Variants in DCDC1 observed in about 807,000 individuals in gnomAD.
DCDC1 encodes doublecortin domain-containing protein 1.
A neutral mutation model predicts 178.3 loss-of-function variants in DCDC1; 200 were observed. That is an observed-to-expected ratio of 1.12 (90% CI 1.00 to 1.26). The LOEUF is 1.26. Among genes scored for constraint, DCDC1 ranks in the 50% most tolerant of loss-of-function variants. The probability of loss-of-function intolerance (pLI) is 0.00; values close to 1 mark genes in which losing one functional copy is unlikely to be tolerated. For missense variants in DCDC1, 1,983 were observed against 1,749.2 expected, an observed-to-expected ratio of 1.13 and a Z score of -2.38; for synonymous variants, 690 against 604.8, an observed-to-expected ratio of 1.14 and a Z score of -2.07.
chr11:31,202,446 T>C (rs1971404446), intron 9 of DCDC1, among the ~76,000 whole-genome samples: 1 of 151,682 alleles, frequency 6.6e-6, no homozygotes. Flanking sequence ...TGGCATTTGC[T>C]TGTGGTCCCT....
Position 31,365,668 on chromosome 11 carries a change from T to C in DCDC1, c.-125+4029A>G, listed in dbSNP as rs949986028. Among the ~76,000 whole-genome samples the C allele has an allele frequency of 2.0e-5, 3 of 152,298 alleles. No individual in the cohort carries two copies. The East Asian group carries it at 5.8e-4, about 29-fold the overall frequency. ...ACCAAAGTGATAGATTTAATAACAA[T>C]GTCATTTTTTCCTATCATCATGACA... On this transcript the variant is annotated intron_variant, in intron 1 of 38. Coordinates refer to ENST00000684477, the MANE Select transcript of DCDC1 (RefSeq NM_001387274.1).
chr11:31,006,746 C>G (rs1951869088), intron 20 of DCDC1, among the ~76,000 whole-genome samples: 1 of 152,194 alleles, frequency 6.6e-6, no homozygotes, highest in Admixed American at 6.5e-5. Flanking sequence ...TTATACAACT[C>G]CAGTTTCAAA....
At chr11:31,362,506 C>T (rs557369022) in intron 1 of DCDC1, among the ~76,000 whole-genome samples, 3 of 152,284 alleles carry the variant, frequency 2.0e-5, no homozygotes, top group Non-Finnish European at 2.9e-5. Context: ...CTCATCACTT[C>T]AGACGATCAG....
In DCDC1 at chr11:31,037,504, C is replaced by G. The variant is rs189887558; in HGVS notation, c.2591+26965G>C. On this transcript the variant is annotated intron_variant, in intron 20 of 38. Coordinates refer to ENST00000684477, the MANE Select transcript of DCDC1 (RefSeq NM_001387274.1). Reference sequence around the variant, plus strand: ...CTGGAGTGCAGTGGCGCGATCTCGGCTCACTGCAAGCTCCGCCTCCCGGGA... The same window carrying G: ...CTGGAGTGCAGTGGCGCGATCTCGGGTCACTGCAAGCTCCGCCTCCCGGGA... 4.6e-3 allele frequency among the ~76,000 whole-genome samples: 692 copies of G among 150,676 alleles called. 2 individuals are homozygous for G. The highest frequency in any genetic ancestry group is 0.016 in the African/African-American group (663 of 40,924).
At chr11:31,017,744 G>C (rs977255564) in intron 20 of DCDC1, among the ~76,000 whole-genome samples, 1 of 152,020 alleles carries the variant, frequency 6.6e-6, no homozygotes, top group African/African-American at 2.4e-5. Context: ...ACCATGCCCA[G>C]CTAGTTTTTG....
chr11:30,983,956 A>T (rs1590657316), intron 20 of DCDC1, among the ~76,000 whole-genome samples: 1 of 152,308 alleles, frequency 6.6e-6, no homozygotes, highest in East Asian at 1.9e-4. Flanking sequence ...CAACATAAAC[A>T]ATGCTCTTAT....
intron 9 of DCDC1, among the ~76,000 whole-genome samples, chr11:31,186,570 C>T (rs756865856): frequency 6.6e-6 from 1 of 152,182 alleles, no homozygotes; most frequent in African/African-American, 2.4e-5. Context: ...TCATAAAGCC[C>T]TGACCATGGG....
At chr11:31,346,257 C>T (rs1199564471) in intron 1 of DCDC1, among the ~76,000 whole-genome samples, 10 of 151,612 alleles carry the variant, frequency 6.6e-5, no homozygotes, top group Admixed American at 3.3e-4. Context: ...GTCAGGAGTT[C>T]GAGACTAGCC....
At chr11:31,154,479 G>GT (rs1475972240) in intron 9 of DCDC1, among the ~76,000 whole-genome samples, 1 of 152,138 alleles carries the variant, frequency 6.6e-6, no homozygotes, top group Non-Finnish European at 1.5e-5. Context: ...TATCACAGTG[G>GT]TAAGTGGTGT....
intron 1 of DCDC1, among the ~76,000 whole-genome samples, chr11:31,344,906 T>G (rs7940020): frequency 0.71 from 107,478 of 152,084 alleles, 39,419 homozygotes; most frequent in African/African-American, 0.9. Context: ...ATTTCCTTTT[T>G]GCCTATTCCA....
intron 20 of DCDC1, among the ~76,000 whole-genome samples, chr11:31,020,336 G>A (rs111634838): frequency 0.017 from 2,623 of 152,110 alleles, 80 homozygotes; most frequent in African/African-American, 0.059. Flanking sequence ...TCCCACTGAC[G>A]ATTTCTTATT....
At chr11:31,176,581 C>A (rs1477884095) in intron 9 of DCDC1, among the ~76,000 whole-genome samples, 1 of 152,084 alleles carries the variant, frequency 6.6e-6, no homozygotes, top group Non-Finnish European at 1.5e-5. Flanking sequence ...CCAAAAAGAT[C>A]CTCTGCCAGG....
intron 1 of DCDC1, among the ~76,000 whole-genome samples, chr11:31,336,564 C>T (rs972482855): frequency 6.6e-6 from 1 of 152,104 alleles, no homozygotes; most frequent in African/African-American, 2.4e-5. Context: ...GTTAAGAATT[C>T]ACCAAATGCA....
At chr11:31,232,343 T>G (rs1017895613) in intron 9 of DCDC1, among the ~76,000 whole-genome samples, 5 of 152,178 alleles carry the variant, frequency 3.3e-5, no homozygotes, top group Non-Finnish European at 5.9e-5. Context: ...TTTAAAATCC[T>G]GTTTTGGCAT....
At chr11:31,007,416 G>C (rs909946247) in intron 20 of DCDC1, among the ~76,000 whole-genome samples, 2 of 152,192 alleles carry the variant, frequency 1.3e-5, no homozygotes, top group African/African-American at 4.8e-5. Context: ...ACATTTCCCT[G>C]TGTAGTAACT....
chr11:30,969,996 A>G lies in DCDC1; in HGVS notation c.2592-17428T>C, dbSNP rs191116022. 2.1e-3 allele frequency among the ~76,000 whole-genome samples: 326 copies of G among 152,330 alleles called. 1 individual carries two copies. The highest frequency in any genetic ancestry group is 4.1e-3 in the Non-Finnish European group (279 of 68,014). On this transcript the variant is annotated intron_variant, in intron 20 of 38. Coordinates refer to ENST00000684477, the MANE Select transcript of DCDC1 (RefSeq NM_001387274.1). ...CTTCTAATAGATCATCTAAGACAGA[A>G]CACTGGAATTCAACAGAGAAGTAAC...
intron 9 of DCDC1, among the ~76,000 whole-genome samples, chr11:31,223,074 C>T (rs796259328): frequency 6.6e-6 from 1 of 152,154 alleles, no homozygotes; most frequent in East Asian, 1.9e-4. Context: ...TACATTGGTA[C>T]AATCATTTTG....
chr11:31,308,009 A>C, intron 3 of DCDC1, 101 bp from the exon 4 acceptor site: 1 of 1,447,164 alleles, frequency 6.9e-7, no homozygotes, highest in East Asian at 2.3e-5. Flanking sequence ...GCTACACAAA[A>C]TACTACACAC....
chr11:30,896,528 A>C (rs543342251), intron 34 of DCDC1, among the ~76,000 whole-genome samples: 66 of 152,190 alleles, frequency 4.3e-4, no homozygotes, highest in Admixed American at 2.4e-3. Context: ...CTTATTCAGA[A>C]TCACCTGTGT....
Sources: allele counts gnomAD v4.1 joint callset (sites outside exome capture counted in the v4.1 genomes callset), GRCh38; gene constraint gnomAD v4.1.1; transcripts MANE v1.5; gene names NCBI Gene and HGNC (gene_info 2026-07-23, HGNC 2026-07-21).